The following SP4 variants were observed in gnomAD, a reference collection of about 807,000 sequenced individuals.
SP4 encodes the protein transcription factor Sp4.
Under a neutral mutation model 72.8 loss-of-function variants are expected in SP4, and 19 were observed. The observed-to-expected ratio is 0.26, with a 90% CI of 0.18 to 0.38. SP4 has a LOEUF of 0.38. Ranked by LOEUF, SP4 falls within the 10% of genes least tolerant of loss-of-function variation. SP4 has a pLI of 1.00. For missense variants in SP4, 1,008 were observed against 926.3 expected (o/e 1.09, Z -1.14); for synonymous variants, 395 against 333.1 (o/e 1.19, Z -2.02).
intron 3 of SP4, among the ~76,000 whole-genome samples, chr7:21,470,085 T>C (rs1784286889): frequency 6.6e-6 from 1 of 152,196 alleles, no homozygotes. Flanking sequence ...TTTCTTACTG[T>C]CTTGTCACCC....
intron 5 of SP4, among the ~76,000 whole-genome samples, chr7:21,483,618 T>C (rs1486891861): frequency 6.6e-6 from 1 of 151,888 alleles, no homozygotes; most frequent in Non-Finnish European, 1.5e-5. Context: ...TCTGTCTCTA[T>C]TGATTGTCCT....
intron 5 of SP4, among the ~76,000 whole-genome samples, chr7:21,502,938 T>G (rs1323571756): frequency 6.6e-6 from 1 of 152,098 alleles, no homozygotes; most frequent in Non-Finnish European, 1.5e-5. Flanking sequence ...ACTTTAAGGG[T>G]TCCTTAGGTG....
At chr7:21,493,046 A>G (rs1190923912) in intron 5 of SP4, among the ~76,000 whole-genome samples, 1 of 152,180 alleles carries the variant, frequency 6.6e-6, no homozygotes, top group Non-Finnish European at 1.5e-5. Flanking sequence ...CTAAAAATAC[A>G]AAAATTAGCT....
At chr7:21,500,696 G>T (rs1781841851) in intron 5 of SP4, among the ~76,000 whole-genome samples, 2 of 152,156 alleles carry the variant, frequency 1.3e-5, no homozygotes, top group Non-Finnish European at 2.9e-5. Context: ...GCCCCCTCCA[G>T]CAACAGCAGG....
At chr7:21,496,521 C>A (rs1000034310) in intron 5 of SP4, among the ~76,000 whole-genome samples, 1 of 152,166 alleles carries the variant, frequency 6.6e-6, no homozygotes, top group African/African-American at 2.4e-5. Flanking sequence ...GGCTAATTGT[C>A]TTCCAAGGCT....
intron 3 of SP4, among the ~76,000 whole-genome samples, chr7:21,453,611 C>G (rs1034894325): frequency 6.6e-6 from 1 of 152,186 alleles, no homozygotes; most frequent in East Asian, 1.9e-4. Flanking sequence ...CATTGGTGTA[C>G]TATTGATGTC....
intron 5 of SP4, among the ~76,000 whole-genome samples, chr7:21,489,612 T>G (rs914958719): frequency 7.0e-6 from 1 of 143,208 alleles, no homozygotes; most frequent in Non-Finnish European, 1.5e-5. Context: ...CAGGCTGGAG[T>G]GCAGTGGCAT....
At chr7:21,448,281 AAT>A in intron 3 of SP4, among the ~76,000 whole-genome samples, 1 of 150,404 alleles carries the variant, frequency 6.6e-6, no homozygotes, top group Non-Finnish European at 1.5e-5. Flanking sequence ...TAAAAAAGAA[AAT>A]TGTGCTTTCT....
In SP4 at chr7:21,512,635, T is replaced by A. The variant is rs925002333; in HGVS notation, c.*1366T>A. 3 of 151,608 alleles carry A rather than the reference T, an allele frequency of 2.0e-5. No homozygotes were observed. The highest frequency in any genetic ancestry group is 4.4e-5 in the Non-Finnish European group (3 of 67,976). 9.4% of individuals were successfully genotyped at this position (151,608 alleles called of 1,614,324 possible). Reference sequence around the variant, plus strand: ...GGAGTGCAATGGCACGATCTCAGCTTACTGCAACCGCCGCCTCCCAGGTTC... The same window carrying A: ...GGAGTGCAATGGCACGATCTCAGCTAACTGCAACCGCCGCCTCCCAGGTTC... On this transcript the variant is annotated 3_prime_UTR_variant, in exon 6 of 6. Coordinates refer to ENST00000222584, the MANE Select transcript of SP4 (RefSeq NM_003112.5).
At chr7:21,492,125 A>G (rs1287285471) in intron 5 of SP4, among the ~76,000 whole-genome samples, 2 of 152,214 alleles carry the variant, frequency 1.3e-5, no homozygotes, top group Admixed American at 6.5e-5. Flanking sequence ...GATGTAATAC[A>G]TATGGCCAAT....
At chr7:21,434,557 C>T (rs900057214) in intron 3 of SP4, among the ~76,000 whole-genome samples, 1 of 151,988 alleles carries the variant, frequency 6.6e-6, no homozygotes, top group African/African-American at 2.4e-5. Flanking sequence ...GCTCTGCATA[C>T]TTTTTGTTTT....
chr7:21,449,305 C>T (rs1490794077), intron 3 of SP4, among the ~76,000 whole-genome samples: 1 of 152,230 alleles, frequency 6.6e-6, no homozygotes, highest in Non-Finnish European at 1.5e-5. Context: ...GTATGCTCCA[C>T]ATCCTATGGC....
At position 21,511,413 on chromosome 7, in the gene SP4, A is replaced by G; in HGVS notation, c.*144A>G. ...TTTAAGTATTCCAGGGTTTGGGGTCAACACGTGAAGTGTTGAATTTTAAAA... is the reference window on the plus strand; with the variant it reads ...TTTAAGTATTCCAGGGTTTGGGGTCGACACGTGAAGTGTTGAATTTTAAAA... On this transcript the variant is annotated 3_prime_UTR_variant, in exon 6 of 6. Transcript: ENST00000222584. 1 of 812,380 alleles carries G rather than the reference A, an allele frequency of 1.2e-6. No homozygotes were observed. 50.3% of individuals were successfully genotyped at this position (812,380 alleles called of 1,614,324 possible). A position where few individuals can be genotyped will look rare whatever the true frequency, so the allele number is the denominator to read the frequency against.
At chr7:21,489,032 T>C (rs1054005066) in intron 5 of SP4, among the ~76,000 whole-genome samples, 1 of 152,298 alleles carries the variant, frequency 6.6e-6, no homozygotes, top group South Asian at 2.1e-4. Context: ...CAAATTCTTT[T>C]TCACCAGCTA....
chr7:21,454,198 G>A (rs913863609), intron 3 of SP4, among the ~76,000 whole-genome samples: 2 of 152,180 alleles, frequency 1.3e-5, no homozygotes, highest in African/African-American at 4.8e-5. Flanking sequence ...AGCATAGCTA[G>A]GGGGCATGGC....
At chr7:21,470,064 A>G (rs1006300766) in intron 3 of SP4, among the ~76,000 whole-genome samples, 14 of 152,134 alleles carry the variant, frequency 9.2e-5, no homozygotes, top group Admixed American at 5.9e-4. Flanking sequence ...GCAGATATCC[A>G]CTTGATTTGG....
chr7:21,464,045 C>T (rs1215883503), intron 3 of SP4, among the ~76,000 whole-genome samples: 1 of 151,528 alleles, frequency 6.6e-6, no homozygotes, highest in African/African-American at 2.4e-5. Context: ...AAAGATTTCA[C>T]TAAGTGCTAG....
intron 3 of SP4, among the ~76,000 whole-genome samples, chr7:21,456,446 G>A (rs924838158): frequency 2.0e-5 from 3 of 152,206 alleles, no homozygotes; most frequent in African/African-American, 7.2e-5. Flanking sequence ...ATCTGAGCTG[G>A]TAGGGTAAAA....
chr7:21,491,820 TC>T (rs1784986999), intron 5 of SP4, among the ~76,000 whole-genome samples: 1 of 152,122 alleles, frequency 6.6e-6, no homozygotes, highest in Admixed American at 6.6e-5. Flanking sequence ...TAAAGATACT[TC>T]CAAAGGAAAA....
Sources: gnomAD v4.1 joint callset for allele counts (sites outside exome capture counted in the v4.1 genomes callset) on GRCh38, gnomAD v4.1.1 for gene constraint, MANE v1.5 for transcripts, NCBI Gene and HGNC (gene_info 2026-07-23, HGNC 2026-07-21) for gene names.